PI4KA: variants seen among roughly 807,000 people sequenced by gnomAD.
PI4KA encodes phosphatidylinositol 4-kinase alpha.
A neutral mutation model predicts 271.4 loss-of-function variants in PI4KA; 122 were observed. That is an observed-to-expected ratio of 0.45 (90% CI 0.39 to 0.52). The LOEUF (loss-of-function observed/expected upper bound fraction) is 0.52, where lower values mean the gene tolerates loss of function less well. Among genes scored for constraint, PI4KA ranks in the 20% least tolerant of loss-of-function variants. The pLI is 0.00. For missense variants in PI4KA, 1,969 were observed against 2,769.1 expected, an observed-to-expected ratio of 0.71 and a Z score of 6.48; for synonymous variants, 1,041 against 1,078.8, an observed-to-expected ratio of 0.96 and a Z score of 0.69.
intron 12 of PI4KA, among the ~76,000 whole-genome samples, chr22:20,803,683 C>T (rs551271500): frequency 6.6e-6 from 1 of 152,228 alleles, no homozygotes; most frequent in South Asian, 2.1e-4. Flanking sequence ...CACCATCATC[C>T]CTAACTAATT....
intron 4 of PI4KA, among the ~76,000 whole-genome samples, chr22:20,822,999 T>C (rs980106166): frequency 1.3e-5 from 2 of 152,138 alleles, no homozygotes; most frequent in Admixed American, 6.6e-5. Flanking sequence ...CTGCAACCTC[T>C]GCCTCCCAGG....
rs11914002 is a variant in PI4KA at position 20,801,951 on chromosome 22, C to T, written c.1724+22G>A. The T allele has an allele frequency of 6.1e-4, 987 of 1,612,972 alleles. 3 individuals carry two copies. The African/African-American group carries it at 0.011, about 18-fold the overall frequency. ...CTTGTCTGGAGCACTGCTGTCTACT[C>T]GCCACTTGCCCAGCTTCCCACCTGC... On this transcript the variant is annotated intron_variant, in intron 14 of 54. Transcript: ENST00000255882.
At chr22:20,808,608 A>G (rs907450388) in intron 9 of PI4KA, among the ~76,000 whole-genome samples, 12 of 148,920 alleles carry the variant, frequency 8.1e-5, no homozygotes, top group Admixed American at 2.0e-4. Flanking sequence ...AAAAAAAAAG[A>G]TAACAGTCCT....
chr22:20,769,420 A>G (rs1193316404), intron 19 of PI4KA, among the ~76,000 whole-genome samples: 2 of 152,326 alleles, frequency 1.3e-5, no homozygotes, highest in Middle Eastern at 3.4e-3. Flanking sequence ...CTGTAATCCC[A>G]GCACTTTGGG....
intron 19 of PI4KA, chr22:20,787,176 A>C: frequency 2.0e-6 from 2 of 1,021,880 alleles, no homozygotes; most frequent in Non-Finnish European, 1.5e-6. Context: ...TACGCTACCA[A>C]TCTGAATTCG....
intron 19 of PI4KA, chr22:20,784,354 C>A: frequency 7.0e-7 from 1 of 1,427,540 alleles, no homozygotes; most frequent in Non-Finnish European, 9.7e-7. Context: ...GTACAAGTAC[C>A]CAAGAACTTC....
At position 20,834,618 on chromosome 22, in the gene PI4KA, A is replaced by G. The variant is rs1250071088; in HGVS notation, c.311T>C (p.Leu104Pro). The G allele has an allele frequency of 6.2e-7, 1 of 1,610,074 alleles. No homozygotes were observed. The highest frequency in any genetic ancestry group is 1.7e-5 in the Admixed American group (1 of 59,996). Residue 104 changes from leucine (L) to proline (P), a missense_variant, in exon 3 of 55, where the codon CTC (leucine) becomes CCC (proline). Transcript: ENST00000255882. ...CCAATACACTTTTGGAAGACCTTTG[A>G]GAAGTCGAAGAAGGTAAGGAACCAC... is the stretch of plus-strand genomic sequence containing the variant. The part of the protein sequence containing the change: ...DCVVPYLLRL[L>P]KGLPKVYWVE...
intron 23 of PI4KA, 132 bp downstream of exon 23, chr22:20,761,172 T>C (rs1931929449): frequency 1.5e-6 from 1 of 662,452 alleles, no homozygotes; most frequent in Non-Finnish European, 2.8e-6. Context: ...ATATGTTTTA[T>C]ACTGATCTTT....
At chr22:20,856,960 C>T (rs1927674123) in intron 1 of PI4KA, among the ~76,000 whole-genome samples, 1 of 152,186 alleles carries the variant, frequency 6.6e-6, no homozygotes. Flanking sequence ...CTCCCAGAAT[C>T]CAGCAATCAG....
Position 20,747,592 on chromosome 22 carries a change from T to C in PI4KA, c.3354A>G (p.Thr1118=). Reference sequence around the variant, plus strand: ...GAAGGCTCGCACATACCCCAAGAGTTGTGTTCTGCTTGTTGTAGCCAGCAA... The same window carrying C: ...GAAGGCTCGCACATACCCCAAGAGTCGTGTTCTGCTTGTTGTAGCCAGCAA... The part of the protein sequence containing the change: ...LHFAGYNKQN[T]TLGATQLSER... The change falls in exon 29 of 55, where the codon ACA becomes ACG. Residue 1118 remains threonine (T), a synonymous_variant. Coordinates refer to ENST00000255882, the MANE Select transcript of PI4KA (RefSeq NM_058004.4). 6.2e-7 allele frequency: 1 copy of C among 1,614,002 alleles called. No homozygotes were observed. Among genetic ancestry groups the C allele is most frequent in the East Asian group, 2.2e-5 (1 of 44,862 alleles).
chr22:20,723,869 C>T (rs888364422), intron 42 of PI4KA, among the ~76,000 whole-genome samples: 2 of 151,564 alleles, frequency 1.3e-5, no homozygotes, highest in African/African-American at 4.8e-5. Context: ...GACGGAGTCT[C>T]ACTGTATAGC....
rs190694476 is a variant in PI4KA at position 20,795,858 on chromosome 22, G to A, written c.2277+288C>T. ...TTCATGATAAAGGCAAGGACAGAGA[G>A]AGGTGCCCGTGGGGAGCTGAGGCTA... is the stretch of plus-strand genomic sequence containing the variant. On this transcript the variant is annotated intron_variant, in intron 18 of 54. Transcript: ENST00000255882. Among the ~76,000 whole-genome samples the A allele has an allele frequency of 6.7e-3, 1,013 of 152,242 alleles. 5 individuals carry two copies. Among genetic ancestry groups the A allele is most frequent in the Non-Finnish European group, 8.9e-3 (603 of 68,014 alleles).
At chr22:20,852,954 G>A (rs575529643) in intron 1 of PI4KA, among the ~76,000 whole-genome samples, 1 of 152,190 alleles carries the variant, frequency 6.6e-6, no homozygotes, top group South Asian at 2.1e-4. Flanking sequence ...ACATCAGATC[G>A]GGCTGGGTGC....
At chr22:20,836,351 A>T (rs575996547) in intron 2 of PI4KA, among the ~76,000 whole-genome samples, 43 of 152,356 alleles carry the variant, frequency 2.8e-4, no homozygotes, top group African/African-American at 9.6e-4. Flanking sequence ...ATAGATAACT[A>T]AAAACAAAGA....
chr22:20,773,428 G>T (rs1281788768), intron 19 of PI4KA, among the ~76,000 whole-genome samples: 1 of 152,056 alleles, frequency 6.6e-6, no homozygotes. Flanking sequence ...AACACAAAAT[G>T]TATCACAGCC....
chr22:20,789,091 C>G (rs952690160), intron 19 of PI4KA, among the ~76,000 whole-genome samples: 4 of 152,116 alleles, frequency 2.6e-5, no homozygotes, highest in African/African-American at 9.7e-5. Context: ...CTTACAGAAA[C>G]TAGCCCATCT....
intron 44 of PI4KA, among the ~76,000 whole-genome samples, chr22:20,718,074 C>T (rs955008775): frequency 2.0e-5 from 3 of 152,172 alleles, no homozygotes; most frequent in African/African-American, 7.2e-5. Flanking sequence ...ACCCAGGAAA[C>T]GCTAGCTCCC....
chr22:20,849,164 A>G (rs919984244), intron 1 of PI4KA, among the ~76,000 whole-genome samples: 1 of 152,228 alleles, frequency 6.6e-6, no homozygotes, highest in African/African-American at 2.4e-5. Flanking sequence ...CACATCCACT[A>G]GGATGGCTAT....
intron 3 of PI4KA, among the ~76,000 whole-genome samples, chr22:20,828,958 G>C (rs888558058): frequency 2.0e-5 from 3 of 152,138 alleles, no homozygotes; most frequent in African/African-American, 7.2e-5. Flanking sequence ...TTTCTGCCAT[G>C]AATCACATTA....
Sources: gnomAD v4.1 joint callset for allele counts (sites outside exome capture counted in the v4.1 genomes callset) on GRCh38, gnomAD v4.1.1 for gene constraint, MANE v1.5 for transcripts, NCBI Gene and HGNC (gene_info 2026-07-23, HGNC 2026-07-21) for gene names.